The following CFAP36 variants were observed in gnomAD, a reference collection of about 807,000 sequenced individuals.
CFAP36 encodes cilia and flagella associated protein 36, also known as cilia- and flagella-associated protein 36.
A neutral mutation model predicts 50.5 loss-of-function variants in CFAP36; 37 were observed. That is an observed-to-expected ratio of 0.73 (90% confidence interval 0.56 to 0.96). CFAP36 has a LOEUF of 0.96. Among genes scored for constraint, CFAP36 ranks in the 50% least tolerant of loss-of-function variants. The pLI is 0.00. For missense variants in CFAP36, 407 were observed against 396.2 expected, an observed-to-expected ratio of 1.03 and a Z score of -0.23; for synonymous variants, 138 against 128.2, an observed-to-expected ratio of 1.08 and a Z score of -0.52.
intron 7 of CFAP36, among the ~76,000 whole-genome samples, chr2:55,542,405 T>G (rs1006748120): frequency 1.4e-4 from 22 of 152,220 alleles, no homozygotes; most frequent in African/African-American, 5.3e-4. Context: ...AAGACCTGAG[T>G]TTGGAAGAAT....
Position 55,544,909 on chromosome 2 carries a change from A to C in CFAP36, c.930A>C (p.Glu310Asp). The change falls in exon 10 of 10, where the codon GAA (glutamate) becomes GAC (aspartate). Residue 310 changes from glutamate (E) to aspartate (D), a missense_variant and splice_region_variant. Transcript: ENST00000349456. The stretch of plus-strand genomic sequence containing the variant: ...CCAATTTTTTCTTTTTTTTTCAGGA[A>C]ATGACAGAGAAACCAGAAATGACAG... ...QKGKPTGEVE[E>D]MTEKPEMTAE... The C allele has an allele frequency of 6.3e-7, 1 of 1,586,556 alleles. No individual in the cohort carries two copies. The highest frequency in any genetic ancestry group is 8.5e-7 in the Non-Finnish European group (1 of 1,169,746).
chr2:55,542,115 C>G (rs966980539), intron 7 of CFAP36, among the ~76,000 whole-genome samples: 23 of 152,026 alleles, frequency 1.5e-4, no homozygotes, highest in African/African-American at 5.5e-4. Flanking sequence ...GTTTGCTGAC[C>G]CAAATTAACT....
chr2:55,538,008 T>C lies in CFAP36; in HGVS notation c.640+423T>C, dbSNP rs1165287668. On this transcript the variant is annotated intron_variant, in intron 7 of 9. Transcript: ENST00000349456. The stretch of plus-strand genomic sequence containing the variant: ...TTAAGTACAGCTAGAAAATAAGAGG[T>C]AGCCATTTTGTCCAGATATTTGGTC... Among the ~76,000 whole-genome samples the C allele has an allele frequency of 3.9e-5, 6 of 152,314 alleles. No homozygotes were observed. The South Asian group carries it at 6.2e-4, about 16-fold the overall frequency.
chr2:55,527,512 G>T (rs1574615158), intron 3 of CFAP36, among the ~76,000 whole-genome samples: 2 of 152,090 alleles, frequency 1.3e-5, no homozygotes, highest in Non-Finnish European at 2.9e-5. Flanking sequence ...AACCTGGGAG[G>T]TGGAGGTTGC....
intron 5 of CFAP36, among the ~76,000 whole-genome samples, chr2:55,534,462 C>T (rs1684430548): frequency 1.3e-5 from 2 of 152,160 alleles, no homozygotes; most frequent in African/African-American, 4.8e-5. Flanking sequence ...CTCCTTGTTT[C>T]CCCAGTTAAA....
At chr2:55,522,215 C>A in intron 2 of CFAP36, 49 bp downstream of exon 2, 3 of 907,494 alleles carry the variant, frequency 3.3e-6, no homozygotes, top group Non-Finnish European at 5.1e-6. Context: ...GCTAATACTA[C>A]TTATAGCTTT....
At position 55,528,974 on chromosome 2, in the gene CFAP36, A is replaced by C; in HGVS notation, c.379A>C (p.Ile127Leu). 3 of 1,606,732 alleles carry C rather than the reference A, an allele frequency of 1.9e-6. No individual in the cohort carries two copies. Among genetic ancestry groups the C allele is most frequent in the Non-Finnish European group, 2.5e-6 (3 of 1,176,580 alleles). ...TGAAATGCAGCTGCAAGCCATTCGA[A>C]TAATTCAAGAGAGAAATGGTAAAAT... is the stretch of plus-strand genomic sequence containing the variant. ...NIEMQLQAIR[I>L]IQERNGVLPD... The change falls in exon 4 of 10, where the codon ATA becomes CTA. Residue 127 changes from isoleucine to leucine, a missense_variant. Physicochemically the swap from Ile to Leu is conservative, Grantham distance 5 (BLOSUM62 2). Coordinates refer to ENST00000349456, the MANE Select transcript of CFAP36 (RefSeq NM_080667.7).
intron 6 of CFAP36, among the ~76,000 whole-genome samples, chr2:55,537,281 G>A (rs558473717): frequency 1.6e-4 from 24 of 152,020 alleles, no homozygotes; most frequent in African/African-American, 5.8e-4. Flanking sequence ...TCAGGCATGA[G>A]AATCATTTAA....
chr2:55,533,222 A>G (rs773096255), intron 4 of CFAP36, among the ~76,000 whole-genome samples: 19 of 152,222 alleles, frequency 1.2e-4, no homozygotes, highest in Admixed American at 2.0e-4. Flanking sequence ...GCCTAACTCA[A>G]TGATTTCCGT....
At chr2:55,532,784 G>A (rs565354816) in intron 4 of CFAP36, among the ~76,000 whole-genome samples, 51 of 152,334 alleles carry the variant, frequency 3.3e-4, no homozygotes, top group African/African-American at 1.1e-3. Context: ...TGTGGATAAA[G>A]AAATGGAAGG....
At chr2:55,539,293 C>T (rs997084080) in intron 7 of CFAP36, 1 of 152,532 alleles carries the variant, frequency 6.6e-6, no homozygotes, top group African/African-American at 2.4e-5. Context: ...CCTCCTAGCC[C>T]ATGGCAACCA....
intron 3 of CFAP36, among the ~76,000 whole-genome samples, chr2:55,525,392 A>C (rs1281203873): frequency 6.6e-6 from 1 of 151,918 alleles, no homozygotes; most frequent in Non-Finnish European, 1.5e-5. Context: ...AGGAGGTTGA[A>C]GCTGCAGTAA....
At chr2:55,538,755 T>C (rs757600817) in intron 7 of CFAP36, 495 of 1,545,402 alleles carry the variant, frequency 3.2e-4, no homozygotes, top group Non-Finnish European at 4.0e-4. Context: ...TCTTTTTTTT[T>C]TTTTTAAAGA....
At chr2:55,537,660 A>C in intron 7 of CFAP36, 75 bp downstream of exon 7, 1 of 947,150 alleles carries the variant, frequency 1.1e-6, no homozygotes, top group Non-Finnish European at 1.6e-6. Context: ...CCACTTTCTC[A>C]TACTTATTTA....
chr2:55,522,303 G>C (rs1377516576), intron 2 of CFAP36, 137 bp downstream of exon 2: 1 of 533,700 alleles, frequency 1.9e-6, no homozygotes, highest in Non-Finnish European at 3.4e-6. Context: ...AATAGTGCCA[G>C]TTATATCTGT....
intron 1 of CFAP36, 47 bp from the exon 2 acceptor site, chr2:55,522,055 A>C (rs776731978): frequency 1.0e-6 from 1 of 972,228 alleles, no homozygotes; most frequent in Admixed American, 2.4e-5. Flanking sequence ...TTGCATTAAT[A>C]AAATGATTTG....
At chr2:55,522,990 G>A (rs1164274372) in intron 2 of CFAP36, among the ~76,000 whole-genome samples, 1 of 151,672 alleles carries the variant, frequency 6.6e-6, no homozygotes, top group African/African-American at 2.4e-5. Flanking sequence ...AGTTGCTTGG[G>A]AGGCTGAAGT....
chr2:55,529,500 T>C (rs148462510), intron 4 of CFAP36, among the ~76,000 whole-genome samples: 6 of 152,306 alleles, frequency 3.9e-5, no homozygotes, highest in African/African-American at 1.4e-4. Flanking sequence ...AATGATACTT[T>C]GGATTTCACA....
At chr2:55,532,589 A>G (rs914204713) in intron 4 of CFAP36, among the ~76,000 whole-genome samples, 3 of 152,250 alleles carry the variant, frequency 2.0e-5, no homozygotes, top group Non-Finnish European at 2.9e-5. Context: ...TTGTACTACT[A>G]TAGTTTTGTA....
Sources: allele counts gnomAD v4.1 joint callset (sites outside exome capture counted in the v4.1 genomes callset), GRCh38; gene constraint gnomAD v4.1.1; transcripts MANE v1.5; gene names NCBI Gene and HGNC (gene_info 2026-07-23, HGNC 2026-07-21).